MYH16: variants seen among roughly 807,000 people sequenced by gnomAD.
MYH16 encodes putative uncharacterized protein MYH16.
exon 31 of MYH16, chr7:99,291,386 G>A (rs959299269): frequency 3.1e-5 from 14 of 456,494 alleles, no homozygotes; most frequent in African/African-American, 1.0e-4. Context: ...CAAATCCTAC[G>A]GATAAAGACA....
intron 33 of MYH16, among the ~76,000 whole-genome samples, chr7:99,295,570 A>T (rs918128633): frequency 9.2e-5 from 14 of 152,130 alleles, no homozygotes; most frequent in African/African-American, 3.4e-4. Flanking sequence ...GTCTAGATGG[A>T]ACCATGATTC....
intron 2 of MYH16, among the ~76,000 whole-genome samples, chr7:99,244,494 T>C (rs888055728): frequency 6.6e-6 from 1 of 152,220 alleles, no homozygotes; most frequent in Non-Finnish European, 1.5e-5. Context: ...AAGAGGCTTA[T>C]CTGGTAGGAA....
chr7:99,310,447 G>T (rs1436693691), downstream of MYH16, among the ~76,000 whole-genome samples: 1 of 152,206 alleles, frequency 6.6e-6, no homozygotes, highest in Admixed American at 6.5e-5. Flanking sequence ...TCACAGGCAG[G>T]CTCTCAGGGA....
intron 18 of MYH16, among the ~76,000 whole-genome samples, chr7:99,268,669 G>A (rs1369900044): frequency 6.6e-6 from 1 of 152,232 alleles, no homozygotes; most frequent in Non-Finnish European, 1.5e-5. Flanking sequence ...TGCAAATGGT[G>A]TTCCTATGTT....
chr7:99,283,576 C>T (rs17161650), exon 24 of MYH16: 17,946 of 456,190 alleles, frequency 0.039, 1,576 homozygotes, highest in African/African-American at 0.24. Flanking sequence ...AAACCCTGGA[C>T]GACCTACAGG....
At chr7:99,298,030 G>A (rs1792528900) in intron 36 of MYH16, 35 bp downstream of exon 17, 2 of 456,204 alleles carry the variant, frequency 4.4e-6, no homozygotes, top group Non-Finnish European at 8.8e-6. Flanking sequence ...CTGACTCTTG[G>A]GAAGTGTGAT....
intron 18 of MYH16, among the ~76,000 whole-genome samples, chr7:99,270,667 C>T (rs1792036091): frequency 6.6e-6 from 1 of 151,576 alleles, no homozygotes. Flanking sequence ...CCTGTAATCC[C>T]AAGCACTTTG....
At chr7:99,274,182 G>C (rs2150817000) in intron 20 of MYH16, among the ~76,000 whole-genome samples, 1 of 152,324 alleles carries the variant, frequency 6.6e-6, no homozygotes, top group Non-Finnish European at 1.5e-5. Flanking sequence ...AGTCAGCCAG[G>C]TGGTGGGACC....
intron 8 of MYH16, among the ~76,000 whole-genome samples, chr7:99,254,739 G>A (rs1359051731): frequency 6.6e-6 from 1 of 152,176 alleles, no homozygotes; most frequent in Non-Finnish European, 1.5e-5. Context: ...CCAGAAATAA[G>A]GGCATTGAGT....
chr7:99,295,144 C>T (rs1045452383), intron 33 of MYH16, among the ~76,000 whole-genome samples: 4 of 151,932 alleles, frequency 2.6e-5, no homozygotes, highest in African/African-American at 4.8e-5. Flanking sequence ...TTTGGGAGGC[C>T]GAGGCAGGCG....
chr7:99,240,253 G>T (rs958128045), intron 1 of MYH16, among the ~76,000 whole-genome samples: 8 of 152,036 alleles, frequency 5.3e-5, no homozygotes, highest in Non-Finnish European at 8.8e-5. Flanking sequence ...AATAGCAAAT[G>T]ATGAATTTGG....
chr7:99,297,673 T>C (rs1243097622), exon 35 of MYH16: 3 of 456,270 alleles, frequency 6.6e-6, no homozygotes, highest in Admixed American at 4.7e-5. Context: ...AGATAAAGGA[T>C]CTCATTGATC....
At chr7:99,295,153 C>T (rs905770005) in intron 33 of MYH16, among the ~76,000 whole-genome samples, 6 of 151,944 alleles carry the variant, frequency 3.9e-5, no homozygotes, top group African/African-American at 9.7e-5. Flanking sequence ...CCGAGGCAGG[C>T]GGATTGCCTG....
chr7:99,255,396 T>G (rs1231307365), intron 8 of MYH16, among the ~76,000 whole-genome samples: 1 of 148,770 alleles, frequency 6.7e-6, no homozygotes, highest in Non-Finnish European at 1.5e-5. Flanking sequence ...TGCAGTGAGC[T>G]ATGATTGTGC....
At chr7:99,308,293 T>TA (rs10556699), downstream of MYH16, among the ~76,000 whole-genome samples, 17 of 40,182 alleles carry the variant, frequency 4.2e-4, no homozygotes, top group Admixed American at 1.5e-3. Flanking sequence ...AGGCTCTGTC[T>TA]AAAAAAAAAA....
rs556976060 is a variant in MYH16 at position 99,258,903 on chromosome 7, G to T, written n.1404+513G>T. Among the ~76,000 whole-genome samples, 41 of 152,246 alleles carry T rather than the reference G, an allele frequency of 2.7e-4. 1 individual carries two copies. In the South Asian group the frequency reaches 8.5e-3, roughly 32 times the overall value. ...ACTGGGTAATTTATAAAGAAAAGAGGCTTAATTGACTGACAATTCTGCATG... is the reference window on the plus strand; with the variant it reads ...ACTGGGTAATTTATAAAGAAAAGAGTCTTAATTGACTGACAATTCTGCATG... On this transcript the variant is annotated intron_variant and non_coding_transcript_variant, in intron 11 of 41. Coordinates refer to ENST00000439784, the Ensembl canonical transcript of MYH16.
chr7:99,246,511 G>A (rs1211289873), intron 2 of MYH16, among the ~76,000 whole-genome samples: 1 of 152,184 alleles, frequency 6.6e-6, no homozygotes, highest in African/African-American at 2.4e-5. Flanking sequence ...TGACCAGCCT[G>A]GCCAATATGG....
At chr7:99,302,366 C>A (rs1329801713) in intron 38 of MYH16, among the ~76,000 whole-genome samples, 2 of 117,444 alleles carry the variant, frequency 1.7e-5, no homozygotes, top group African/African-American at 6.6e-5. Context: ...ACACACACAT[C>A]CCAACCTGGC....
At chr7:99,271,487 C>T (rs976655686) in intron 19 of MYH16, among the ~76,000 whole-genome samples, 5 of 152,156 alleles carry the variant, frequency 3.3e-5, no homozygotes, top group African/African-American at 4.8e-5. Context: ...CCAGCCTGGG[C>T]GACAGAAGCA....
Sources: allele counts gnomAD v4.1 joint callset (sites outside exome capture counted in the v4.1 genomes callset), GRCh38; gene constraint gnomAD v4.1.1; transcripts MANE v1.5; gene names NCBI Gene and HGNC (gene_info 2026-07-23, HGNC 2026-07-21).